The following FAM107B variants were observed in gnomAD, a reference collection of about 807,000 sequenced individuals.
The protein encoded by FAM107B is protein FAM107B.
A neutral mutation model predicts 31.5 loss-of-function variants in FAM107B; 21 were observed. The ratio of observed to expected loss-of-function variants is 0.67; its 90% CI spans 0.47 to 0.96. The LOEUF is 0.96. FAM107B is among the 40% of genes least tolerant of loss of function. The pLI is 0.00. For missense variants in FAM107B, 452 were observed against 377.1 expected (o/e 1.20, Z -1.64); for synonymous variants, 157 against 141.5 (o/e 1.11, Z -0.78).
rs1441996616 is a variant in FAM107B, at chr10:14,520,375, T to C, written c.*815A>G. On this transcript the variant is annotated 3_prime_UTR_variant, in exon 5 of 5. Transcript: ENST00000181796. ...TGGGTTATATGGACTAGTTCCACTC[T>C]CTAAGGGACTGGAAGGTTATTCCAT... The C allele has an allele frequency of 1.3e-5, 2 of 152,322 alleles. No homozygotes were observed. Among genetic ancestry groups the C allele is most frequent in the African/African-American group, 4.8e-5 (2 of 41,570 alleles). 9.4% of individuals were successfully genotyped at this position (152,322 alleles called of 1,614,324 possible).
chr10:14,581,136 T>C (rs890910570), intron 2 of FAM107B, among the ~76,000 whole-genome samples: 2 of 152,180 alleles, frequency 1.3e-5, no homozygotes, highest in East Asian at 3.9e-4. Context: ...CACGCACATA[T>C]CTGCAATCGG....
intron 2 of FAM107B, among the ~76,000 whole-genome samples, chr10:14,537,568 G>A (rs1197334214): frequency 4.6e-5 from 7 of 152,134 alleles, no homozygotes; most frequent in Admixed American, 1.3e-4. Flanking sequence ...GCTGGGCTGC[G>A]GTGGCTCATA....
At chr10:14,613,960 A>G (rs761328032) in intron 2 of FAM107B, among the ~76,000 whole-genome samples, 6 of 151,928 alleles carry the variant, frequency 3.9e-5, no homozygotes, top group Non-Finnish European at 8.8e-5. Context: ...GTGAAACCCT[A>G]TCTCTACTAA....
intron 1 of FAM107B, among the ~76,000 whole-genome samples, chr10:14,771,870 G>C (rs1178541667): frequency 2.6e-5 from 4 of 152,212 alleles, no homozygotes; most frequent in African/African-American, 9.6e-5. Flanking sequence ...CATATGAATA[G>C]TTGATCCTAA....
intron 2 of FAM107B, among the ~76,000 whole-genome samples, chr10:14,554,578 G>C (rs551229093): frequency 7.2e-5 from 11 of 152,346 alleles, no homozygotes; most frequent in Admixed American, 4.6e-4. Flanking sequence ...GTACAAATGA[G>C]AGGGGCAGGG....
intron 1 of FAM107B, among the ~76,000 whole-genome samples, chr10:14,713,154 A>G (rs1392719351): frequency 2.0e-5 from 3 of 152,206 alleles, no homozygotes; most frequent in Non-Finnish European, 4.4e-5. Flanking sequence ...GCTGTAATGG[A>G]GGATAATGGG....
chr10:14,632,480 G>A (rs540595163), intron 2 of FAM107B, among the ~76,000 whole-genome samples: 22 of 151,554 alleles, frequency 1.5e-4, no homozygotes, highest in African/African-American at 5.3e-4. Flanking sequence ...GCGTGGTGGC[G>A]GGCGCCTGTA....
At chr10:14,600,032 C>T (rs542233896) in intron 2 of FAM107B, among the ~76,000 whole-genome samples, 19 of 152,284 alleles carry the variant, frequency 1.2e-4, no homozygotes, top group Middle Eastern at 6.8e-3. Context: ...TTCTGCATCT[C>T]TCTCCCCGTT....
intron 1 of FAM107B, among the ~76,000 whole-genome samples, chr10:14,709,726 G>A (rs369689539): frequency 1.3e-5 from 2 of 152,114 alleles, no homozygotes; most frequent in East Asian, 3.8e-4. Context: ...CAGACAATGG[G>A]ATATTATTCA....
At chr10:14,749,716 C>T (rs12414102) in intron 1 of FAM107B, among the ~76,000 whole-genome samples, 1 of 152,136 alleles carries the variant, frequency 6.6e-6, no homozygotes. Flanking sequence ...CCTCTTCCAT[C>T]CCAGGGAGCA....
intron 2 of FAM107B, among the ~76,000 whole-genome samples, chr10:14,563,508 G>C (rs1850412558): frequency 6.6e-6 from 1 of 152,104 alleles, no homozygotes; most frequent in Admixed American, 6.5e-5. Flanking sequence ...GCCATTACAT[G>C]AATGTATTAT....
At chr10:14,726,147 C>T (rs2131554852) in intron 1 of FAM107B, among the ~76,000 whole-genome samples, 1 of 152,268 alleles carries the variant, frequency 6.6e-6, no homozygotes, top group African/African-American at 2.4e-5. Flanking sequence ...GCTTGCACCA[C>T]CACACCTGGC....
At chr10:14,757,462 T>TTC (rs746376184) in intron 1 of FAM107B, among the ~76,000 whole-genome samples, 1 of 151,912 alleles carries the variant, frequency 6.6e-6, no homozygotes, top group Non-Finnish European at 1.5e-5. Context: ...CTGTTCTGTG[T>TTC]TCTCTCTCTC....
At chr10:14,721,566 T>C (rs1855913487) in intron 1 of FAM107B, among the ~76,000 whole-genome samples, 1 of 152,232 alleles carries the variant, frequency 6.6e-6, no homozygotes, top group South Asian at 2.1e-4. Flanking sequence ...TATCTCATTG[T>C]GGTTTTGATT....
At chr10:14,618,274 T>C (rs755770637) in intron 2 of FAM107B, among the ~76,000 whole-genome samples, 10 of 152,248 alleles carry the variant, frequency 6.6e-5, no homozygotes, top group East Asian at 1.9e-4. Flanking sequence ...TATTCCATTG[T>C]ATTGTTTATC....
chr10:14,523,930 G>A (rs921659216), intron 3 of FAM107B, among the ~76,000 whole-genome samples: 1 of 146,618 alleles, frequency 6.8e-6, no homozygotes, highest in African/African-American at 2.5e-5. Context: ...GCAGCGGCAT[G>A]ATCTCAGCTC....
At chr10:14,653,493 C>T (rs938805701) in intron 2 of FAM107B, among the ~76,000 whole-genome samples, 2 of 152,150 alleles carry the variant, frequency 1.3e-5, no homozygotes, top group African/African-American at 2.4e-5. Context: ...CCTCTCAGTT[C>T]CCCTTTCAAG....
At chr10:14,655,962 G>A (rs1317279912) in intron 2 of FAM107B, among the ~76,000 whole-genome samples, 1 of 152,138 alleles carries the variant, frequency 6.6e-6, no homozygotes, top group Non-Finnish European at 1.5e-5. Context: ...CAGAAGTGGG[G>A]TCACAGGCAC....
rs556601652 is a variant in FAM107B, at chr10:14,545,034, G to C, written c.470-14519C>G. Among the ~76,000 whole-genome samples the C allele has an allele frequency of 1.3e-4, 20 of 152,276 alleles. No homozygotes were observed. The South Asian group carries it at 1.5e-3, about 11-fold the overall frequency. Reference sequence around the variant, plus strand: ...TCGGAGATGCAGTGAGTCAGTCTCTGGGGGGTGGGCCCGGCAACCTGTGTT... The same window carrying C: ...TCGGAGATGCAGTGAGTCAGTCTCTCGGGGGTGGGCCCGGCAACCTGTGTT... On this transcript the variant is annotated intron_variant, in intron 2 of 4. Coordinates refer to ENST00000181796, the MANE Select transcript of FAM107B (RefSeq NM_031453.4).
Sources: gnomAD v4.1 joint callset for allele counts (sites outside exome capture counted in the v4.1 genomes callset) on GRCh38, gnomAD v4.1.1 for gene constraint, MANE v1.5 for transcripts, NCBI Gene and HGNC (gene_info 2026-07-23, HGNC 2026-07-21) for gene names.